The following PCDHGA11 variants were observed in gnomAD, a reference collection of about 807,000 sequenced individuals.
PCDHGA11 encodes protocadherin gamma-A11.
In PCDHGA11, 39 loss-of-function variants were observed where a neutral mutation model predicts 60.4. The ratio of observed to expected loss-of-function variants is 0.65; its 90% CI spans 0.50 to 0.84. The LOEUF is 0.84. Ranked by LOEUF, PCDHGA11 falls within the 40% of genes least tolerant of loss-of-function variation. The probability of loss-of-function intolerance (pLI) is 0.00; values close to 1 mark genes in which losing one functional copy is unlikely to be tolerated. For synonymous variants in PCDHGA11, 533 were observed against 510.3 expected, an observed-to-expected ratio of 1.04 and a Z score of -0.60; for missense variants, 1,165 against 1,197.7, an observed-to-expected ratio of 0.97 and a Z score of 0.40.
intron 1 of PCDHGA11, among the ~76,000 whole-genome samples, chr5:141,435,790 A>G (rs1336963117): frequency 2.0e-5 from 3 of 152,168 alleles, no homozygotes; most frequent in African/African-American, 7.2e-5. Flanking sequence ...GCAGGGAAAC[A>G]TAACGTCCCA....
chr5:141,421,280 G>T lies in PCDHGA11; in HGVS notation c.53G>T (p.Cys18Phe), dbSNP rs564480755. ...GDRSRLLLLL[C>F]IFLGTLRGFR... Reference sequence around the variant, plus strand: ...CGCAGTCGGCTGCTGCTGCTGCTGTGCATTTTCCTGGGGACGCTGCGGGGG... The same window carrying T: ...CGCAGTCGGCTGCTGCTGCTGCTGTTCATTTTCCTGGGGACGCTGCGGGGG... Residue 18 changes from cysteine (C) to phenylalanine (F), a missense_variant, in exon 1 of 4, where the codon TGC becomes TTC. Transcript: ENST00000398587. The T allele has an allele frequency of 6.2e-7, 1 of 1,612,948 alleles. No homozygotes were observed. Among genetic ancestry groups the T allele is most frequent in the African/African-American group, 1.3e-5 (1 of 75,062 alleles).
intron 2 of PCDHGA11, among the ~76,000 whole-genome samples, chr5:141,504,288 G>GT (rs1175142876): frequency 6.6e-6 from 1 of 152,124 alleles, no homozygotes; most frequent in African/African-American, 2.4e-5. Context: ...ATCATTTCAT[G>GT]TTTTTTCAAC....
intron 3 of PCDHGA11, among the ~76,000 whole-genome samples, chr5:141,509,574 G>T (rs554778751): frequency 6.6e-6 from 1 of 152,300 alleles, no homozygotes; most frequent in South Asian, 2.1e-4. Context: ...TTCACAGTGC[G>T]TACAAATCAG....
chr5:141,484,266 T>G (rs2099593967), intron 1 of PCDHGA11, among the ~76,000 whole-genome samples: 1 of 152,220 alleles, frequency 6.6e-6, no homozygotes, highest in Non-Finnish European at 1.5e-5. Flanking sequence ...ACACTGATTC[T>G]TTACTGTTTT....
chr5:141,447,854 G>A (rs1480134238), intron 1 of PCDHGA11, among the ~76,000 whole-genome samples: 1 of 152,200 alleles, frequency 6.6e-6, no homozygotes, highest in Non-Finnish European at 1.5e-5. Flanking sequence ...GGGAGGCCGA[G>A]GTGGGTGAAT....
intron 1 of PCDHGA11, 49 bp downstream of exon 1, chr5:141,423,709 C>G (rs2096768343): frequency 8.7e-7 from 1 of 1,147,590 alleles, no homozygotes; most frequent in African/African-American, 1.9e-5. Context: ...TGGCACAAGT[C>G]TTTTAAGGAG....
rs1235938743 is a variant in PCDHGA11, at chr5:141,423,058, A to G, written c.1831A>G (p.Lys611Glu). Residue 611 changes from lysine (K) to glutamate (E), a missense_variant, in exon 1 of 4, where the codon AAG (lysine) becomes GAG (glutamate). Physicochemically the swap from Lys to Glu is moderately conservative, Grantham distance 56. Coordinates refer to ENST00000398587, the MANE Select transcript of PCDHGA11 (RefSeq NM_018914.3). ...QNAWLSYRLL[K>E]ASEPGLFAVG... ...CGCCTGGCTGTCCTATCGCCTGCTTAAGGCCAGCGAGCCGGGACTCTTCGC... is the reference window on the plus strand; with the variant it reads ...CGCCTGGCTGTCCTATCGCCTGCTTGAGGCCAGCGAGCCGGGACTCTTCGC... 3 of 1,614,022 alleles carry G rather than the reference A, an allele frequency of 1.9e-6. No homozygotes were observed. Among genetic ancestry groups the G allele is most frequent in the African/African-American group, 2.7e-5 (2 of 74,950 alleles).
chr5:141,465,171 G>T (rs969390966), intron 1 of PCDHGA11, among the ~76,000 whole-genome samples: 1 of 151,728 alleles, frequency 6.6e-6, no homozygotes, highest in Non-Finnish European at 1.5e-5. Flanking sequence ...TGTTTATGAA[G>T]AAATTTAATT....
At chr5:141,425,686 A>C (rs1026122573) in intron 1 of PCDHGA11, among the ~76,000 whole-genome samples, 4 of 152,252 alleles carry the variant, frequency 2.6e-5, no homozygotes, top group Non-Finnish European at 5.9e-5. Context: ...AATACTGCAT[A>C]TCATTTCATA....
chr5:141,475,013 G>T (rs950376592), intron 1 of PCDHGA11, among the ~76,000 whole-genome samples: 1 of 152,176 alleles, frequency 6.6e-6, no homozygotes, highest in African/African-American at 2.4e-5. Context: ...AAAAGTTAAG[G>T]CTCTTTATTC....
rs1410419839 is a variant in PCDHGA11 at position 141,429,391 on chromosome 5, A to ATTTT, written c.2433+5731_2433+5732insTTTT. Among the ~76,000 whole-genome samples, 380 of 151,312 alleles carry ATTTT rather than the reference A, an allele frequency of 2.5e-3. 1 individual carries two copies. The highest frequency in any genetic ancestry group is 4.2e-3 in the South Asian group (20 of 4,768). On this transcript the variant is annotated intron_variant, in intron 1 of 3. Coordinates refer to ENST00000398587, the MANE Select transcript of PCDHGA11 (RefSeq NM_018914.3). The stretch of plus-strand genomic sequence containing the variant: ...GGAGAAAATGTGTTTTTTTTTTAAA[A>ATTTT]AAAATTGAGATTAAGGTCTCATTAT...
Position 141,491,004 on chromosome 5 carries a change from G to T in PCDHGA11, c.2434-3803G>T. ...CTCGCTCTGCTCCTCCTGGCTCCTT[G>T]GTCACCAAGGTGACAGCCGTGGATG... On this transcript the variant is annotated intron_variant, in intron 1 of 3. Transcript: ENST00000398587. The surrounding 1 kb of genome is among the most constrained non-coding windows in gnomAD (Gnocchi z 6.9). The T allele has an allele frequency of 6.2e-7, 1 of 1,614,024 alleles. No individual in the cohort carries two copies. Among genetic ancestry groups the T allele is most frequent in the Non-Finnish European group, 8.5e-7 (1 of 1,180,026 alleles).
intron 1 of PCDHGA11, among the ~76,000 whole-genome samples, chr5:141,429,387 T>TA (rs11410533): frequency 0.01 from 1,566 of 151,436 alleles, 8 homozygotes; most frequent in Middle Eastern, 0.031. Flanking sequence ...GTTTTTTTTT[T>TA]AAAAAAAATT....
At chr5:141,475,071 C>T (rs1198043142) in intron 1 of PCDHGA11, among the ~76,000 whole-genome samples, 2 of 152,198 alleles carry the variant, frequency 1.3e-5, no homozygotes, top group Non-Finnish European at 2.9e-5. Context: ...AGCTTTGCTG[C>T]CATTATTTCA....
At position 141,511,542 on chromosome 5, in the gene PCDHGA11, A is replaced by C; in HGVS notation, c.*369A>C. The stretch of plus-strand genomic sequence containing the variant: ...CCCATGCCTCCCTCCTCCCCACCCC[A>C]CTCCAACAGTTCCTCTTTCCCGAGT... On this transcript the variant is annotated 3_prime_UTR_variant, in exon 4 of 4. Coordinates refer to ENST00000398587, the MANE Select transcript of PCDHGA11 (RefSeq NM_018914.3). 6.6e-6 allele frequency: 2 copies of C among 302,184 alleles called. No homozygotes were observed. The highest frequency in any genetic ancestry group is 3.7e-5 in the South Asian group (1 of 26,678). The allele number at this position is 302,184 out of a possible 1,614,324, so 18.7% of individuals were successfully genotyped here. A position where few individuals can be genotyped will look rare whatever the true frequency, so the allele number is the denominator to read the frequency against.
chr5:141,490,700 C>T lies in PCDHGA11; in HGVS notation c.2434-4107C>T. The T allele has an allele frequency of 6.2e-7, 1 of 1,614,152 alleles. No individual in the cohort carries two copies. Among genetic ancestry groups the T allele is most frequent in the Non-Finnish European group, 8.5e-7 (1 of 1,179,984 alleles). ...TCAGATCCAGACACTGGGGATAATG[C>T]CCGCCTCACCTACTCCATTGTAGGA... On this transcript the variant is annotated intron_variant, in intron 1 of 3. Transcript: ENST00000398587. This position sits in a 1 kb window ranked among gnomAD's most constrained non-coding sequence, Gnocchi z 5.4.
At chr5:141,479,084 G>A (rs749298402) in intron 1 of PCDHGA11, among the ~76,000 whole-genome samples, 19 of 152,016 alleles carry the variant, frequency 1.2e-4, no homozygotes, top group Non-Finnish European at 1.9e-4. Flanking sequence ...GAAATTCCAG[G>A]CATCCTTTAA....
At chr5:141,488,070 C>A (rs777154469) in intron 1 of PCDHGA11, among the ~76,000 whole-genome samples, 3 of 152,076 alleles carry the variant, frequency 2.0e-5, no homozygotes, top group Non-Finnish European at 1.5e-5. Context: ...TCTTTGTCTC[C>A]CAGTATCTAG....
intron 2 of PCDHGA11, among the ~76,000 whole-genome samples, chr5:141,503,081 C>G (rs1354848667): frequency 6.6e-6 from 1 of 151,960 alleles, no homozygotes; most frequent in Non-Finnish European, 1.5e-5. Flanking sequence ...TCTCGATCTC[C>G]TGACCTCGTG....
Sources: gnomAD v4.1 joint callset for allele counts (sites outside exome capture counted in the v4.1 genomes callset) on GRCh38, gnomAD v4.1.1 for gene constraint, Gnocchi (gnomAD v3.1) non-coding constraint, MANE v1.5 for transcripts, NCBI Gene and HGNC (gene_info 2026-07-23, HGNC 2026-07-21) for gene names.